The following HIBADH variants were observed in gnomAD, a reference collection of about 807,000 sequenced individuals.
The protein encoded by HIBADH is 3-hydroxyisobutyrate dehydrogenase, mitochondrial.
A neutral mutation model predicts 36.1 loss-of-function variants in HIBADH; 25 were observed. That is an observed-to-expected ratio of 0.69 (90% CI 0.50 to 0.97). HIBADH has a LOEUF of 0.97. HIBADH is among the 50% of genes least tolerant of loss of function. HIBADH has a pLI of 0.00. For missense variants in HIBADH, 421 were observed against 418.0 expected, an observed-to-expected ratio of 1.01 and a Z score of -0.06; for synonymous variants, 160 against 149.5, an observed-to-expected ratio of 1.07 and a Z score of -0.51.
chr7:27,527,295 T>G (rs553252675), intron 7 of HIBADH, among the ~76,000 whole-genome samples: 2 of 152,250 alleles, frequency 1.3e-5, no homozygotes, highest in East Asian at 3.9e-4. Context: ...CAATCAGGAT[T>G]TTACATTTTA....
At chr7:27,566,152 A>C (rs1784544954) in intron 4 of HIBADH, among the ~76,000 whole-genome samples, 1 of 152,082 alleles carries the variant, frequency 6.6e-6, no homozygotes, top group Non-Finnish European at 1.5e-5. Flanking sequence ...TTTTAGTATC[A>C]GTGTAACACT....
At chr7:27,619,942 T>C (rs1429375113) in intron 4 of HIBADH, among the ~76,000 whole-genome samples, 1 of 152,168 alleles carries the variant, frequency 6.6e-6, no homozygotes, top group African/African-American at 2.4e-5. Context: ...GAGATTTAAA[T>C]ATTCAGATAC....
At chr7:27,613,304 T>TTA (rs5883096) in intron 4 of HIBADH, among the ~76,000 whole-genome samples, 23 of 142,654 alleles carry the variant, frequency 1.6e-4, no homozygotes, top group African/African-American at 3.4e-4. Context: ...ACATTTTGTT[T>TTA]TATATATATA....
chr7:27,535,723 A>C (rs903253378), intron 6 of HIBADH, among the ~76,000 whole-genome samples: 2 of 152,034 alleles, frequency 1.3e-5, no homozygotes, highest in Non-Finnish European at 2.9e-5. Flanking sequence ...GGAATCTCAA[A>C]ATATATTGTA....
intron 4 of HIBADH, among the ~76,000 whole-genome samples, chr7:27,622,074 T>G (rs955714570): frequency 6.6e-6 from 1 of 151,920 alleles, no homozygotes; most frequent in African/African-American, 2.4e-5. Context: ...GGGAAAACAG[T>G]GAGAATCCAT....
chr7:27,555,453 C>T (rs975861667), intron 4 of HIBADH, among the ~76,000 whole-genome samples: 81 of 152,032 alleles, frequency 5.3e-4, no homozygotes, highest in African/African-American at 1.9e-3. Flanking sequence ...AAAGACAAGA[C>T]TCAACTTGTC....
chr7:27,581,612 T>G (rs1212127689), intron 4 of HIBADH, among the ~76,000 whole-genome samples: 1 of 152,180 alleles, frequency 6.6e-6, no homozygotes, highest in Non-Finnish European at 1.5e-5. Flanking sequence ...ATACAACATA[T>G]TTCGATAAAT....
At chr7:27,529,826 C>A (rs1193118205) in intron 7 of HIBADH, among the ~76,000 whole-genome samples, 1 of 152,142 alleles carries the variant, frequency 6.6e-6, no homozygotes, top group African/African-American at 2.4e-5. Context: ...TAAATCAATG[C>A]AGTAAACTTA....
intron 4 of HIBADH, among the ~76,000 whole-genome samples, chr7:27,575,957 C>T (rs561030886): frequency 6.6e-6 from 1 of 152,080 alleles, no homozygotes; most frequent in Non-Finnish European, 1.5e-5. Context: ...GCTCAAGTTG[C>T]CCACCCTAGG....
chr7:27,550,660 C>G (rs1005389181), intron 4 of HIBADH, among the ~76,000 whole-genome samples: 1 of 152,180 alleles, frequency 6.6e-6, no homozygotes, highest in Non-Finnish European at 1.5e-5. Flanking sequence ...CCCCCTTTCT[C>G]TATTCTTAAA....
rs1256559978 is a variant in HIBADH at position 27,642,933 on chromosome 7, G to A, written c.252+6540C>T. Among the ~76,000 whole-genome samples the A allele has an allele frequency of 2.0e-5, 3 of 152,162 alleles. No individual in the cohort carries two copies. In the East Asian group the frequency reaches 5.8e-4, roughly 29 times the overall value. ...CCCAAAGTGCTGGGATTACAGGCGT[G>A]AGCCACCGCGCCCGGCCAAATGTCT... On this transcript the variant is annotated intron_variant, in intron 2 of 7. Transcript: ENST00000265395.
intron 6 of HIBADH, among the ~76,000 whole-genome samples, chr7:27,532,766 T>G (rs139433525): frequency 2.0e-5 from 3 of 152,300 alleles, no homozygotes; most frequent in African/African-American, 7.2e-5. Flanking sequence ...ACCCAACAGT[T>G]TCATTCATTC....
chr7:27,528,267 A>G lies in HIBADH; in HGVS notation c.853-1895T>C, dbSNP rs530678848. Among the ~76,000 whole-genome samples, 100 of 152,242 alleles carry G rather than the reference A, an allele frequency of 6.6e-4. 1 individual carries two copies. The highest frequency in any genetic ancestry group is 2.2e-3 in the African/African-American group (90 of 41,522). On this transcript the variant is annotated intron_variant, in intron 7 of 7. Coordinates refer to ENST00000265395, the MANE Select transcript of HIBADH (RefSeq NM_152740.4). Reference sequence around the variant, plus strand: ...AATTAGGCCAATTAATAACCCTACAATGGCCTCTTAAGTGTTCAAATGAAA... The same window carrying G: ...AATTAGGCCAATTAATAACCCTACAGTGGCCTCTTAAGTGTTCAAATGAAA...
intron 2 of HIBADH, among the ~76,000 whole-genome samples, chr7:27,633,592 G>A (rs1785786520): frequency 1.3e-5 from 2 of 152,108 alleles, no homozygotes; most frequent in Non-Finnish European, 2.9e-5. Flanking sequence ...CCAGGCGTTG[G>A]AGGTTACGGT....
chr7:27,635,428 T>A (rs1487421309), intron 2 of HIBADH, among the ~76,000 whole-genome samples: 1 of 152,086 alleles, frequency 6.6e-6, no homozygotes, highest in African/African-American at 2.4e-5. Flanking sequence ...GAGACCCGGG[T>A]TAAGTTGCAG....
Position 27,662,723 on chromosome 7 carries a change from C to T in HIBADH, c.66G>A (p.Arg22=), listed in dbSNP as rs1298471359. 1 of 1,384,670 alleles carries T rather than the reference C, an allele frequency of 7.2e-7. No homozygotes were observed. The highest frequency in any genetic ancestry group is 9.4e-7 in the Non-Finnish European group (1 of 1,063,728). The allele number at this position is 1,384,670 out of a possible 1,614,324, so 85.8% of individuals were successfully genotyped here. A position where few individuals can be genotyped will look rare whatever the true frequency, so the allele number is the denominator to read the frequency against. The change falls in exon 1 of 8, where the codon CGG becomes CGA. Residue 22 remains arginine, a synonymous_variant. Transcript: ENST00000265395. The part of the protein sequence containing the change: ...SGLRYWSRRL[R]PAAGSFAAVC... ...CCGCTGCAAAGCTGCCGGCTGCCGG[C>T]CGCAGCCGCCGGCTCCAGTACCGGA...
At chr7:27,620,171 A>G (rs1785512285) in intron 4 of HIBADH, among the ~76,000 whole-genome samples, 1 of 152,102 alleles carries the variant, frequency 6.6e-6, no homozygotes, top group Admixed American at 6.6e-5. Context: ...CTTTTAAATT[A>G]GCTGGGCATT....
chr7:27,657,626 A>C (rs1444164218), intron 1 of HIBADH, among the ~76,000 whole-genome samples: 1 of 152,134 alleles, frequency 6.6e-6, no homozygotes, highest in African/African-American at 2.4e-5. Context: ...AAGTTTTCAA[A>C]GGACTCAGCT....
At position 27,656,037 on chromosome 7, in the gene HIBADH, A is replaced by G. The variant is rs536996433; in HGVS notation, c.92-6404T>C. Among the ~76,000 whole-genome samples the G allele has an allele frequency of 7.2e-5, 11 of 152,290 alleles. No individual in the cohort carries two copies. In the East Asian group the frequency reaches 1.9e-3, roughly 27 times the overall value. On this transcript the variant is annotated intron_variant, in intron 1 of 7. Coordinates refer to ENST00000265395, the MANE Select transcript of HIBADH (RefSeq NM_152740.4). ...CTAGCAATTCCATTTCTAAGAATAT[A>G]TACTACACATGAGGGGCCAGCCAAC... is the stretch of plus-strand genomic sequence containing the variant.
Sources: gnomAD v4.1 joint callset for allele counts (sites outside exome capture counted in the v4.1 genomes callset) on GRCh38, gnomAD v4.1.1 for gene constraint, MANE v1.5 for transcripts, NCBI Gene and HGNC (gene_info 2026-07-23, HGNC 2026-07-21) for gene names.